PPP3R1: variants seen among roughly 807,000 people sequenced by gnomAD.
PPP3R1 encodes the protein calcineurin subunit B type 1.
Under a neutral mutation model 22.6 loss-of-function variants are expected in PPP3R1, and 5 were observed. The ratio of observed to expected loss-of-function variants is 0.22; its 90% CI spans 0.12 to 0.46. The LOEUF is 0.46. Among genes scored for constraint, PPP3R1 ranks in the 20% least tolerant of loss-of-function variants. The pLI is 0.99. For synonymous variants in PPP3R1, 56 were observed against 65.2 expected (o/e 0.86, Z 0.68); for missense variants, 61 against 203.2 (o/e 0.30, Z 4.25).
chr2:68,249,203 G>C (rs2103819531), intron 1 of PPP3R1, among the ~76,000 whole-genome samples: 2 of 152,156 alleles, frequency 1.3e-5, no homozygotes, highest in South Asian at 4.2e-4. Context: ...TTTATACCTT[G>C]AACCATTTTA....
chr2:68,213,681 T>A (rs1028777184), intron 2 of PPP3R1, among the ~76,000 whole-genome samples: 1 of 152,142 alleles, frequency 6.6e-6, no homozygotes, highest in African/African-American at 2.4e-5. Flanking sequence ...AACCTTCAAT[T>A]TGTAAGAAAC....
At chr2:68,222,214 G>C (rs554454388) in intron 1 of PPP3R1, among the ~76,000 whole-genome samples, 1 of 152,238 alleles carries the variant, frequency 6.6e-6, no homozygotes, top group Admixed American at 6.5e-5. Flanking sequence ...GCTGTTGTCA[G>C]GATCTTACAC....
At chr2:68,213,480 T>A (rs112829092) in intron 2 of PPP3R1, among the ~76,000 whole-genome samples, 1 of 152,166 alleles carries the variant, frequency 6.6e-6, no homozygotes, top group African/African-American at 2.4e-5. Context: ...CCATCTTACA[T>A]GGACACCGTT....
At chr2:68,181,544 T>G (rs763959378) in intron 5 of PPP3R1, among the ~76,000 whole-genome samples, 6 of 151,976 alleles carry the variant, frequency 3.9e-5, no homozygotes, top group Non-Finnish European at 7.4e-5. Context: ...TTGGGTGTTC[T>G]TGTACAAGGG....
intron 2 of PPP3R1, among the ~76,000 whole-genome samples, chr2:68,212,873 A>G (rs1301157114): frequency 2.0e-5 from 3 of 152,230 alleles, no homozygotes; most frequent in Middle Eastern, 3.2e-3. Context: ...CTTCTGGATA[A>G]CTTGTTGCAG....
chr2:68,194,249 A>ATTGT (rs1298572792), intron 2 of PPP3R1, among the ~76,000 whole-genome samples: 1 of 152,152 alleles, frequency 6.6e-6, no homozygotes, highest in African/African-American at 2.4e-5. Flanking sequence ...GAATTGGTAG[A>ATTGT]TTGTTTATAC....
At chr2:68,208,782 G>C (rs1181795729) in intron 2 of PPP3R1, among the ~76,000 whole-genome samples, 2 of 151,954 alleles carry the variant, frequency 1.3e-5, no homozygotes, top group African/African-American at 4.8e-5. Context: ...AATTAGCCAG[G>C]TGTGGTGGCG....
At chr2:68,206,898 T>G (rs1298540464) in intron 2 of PPP3R1, among the ~76,000 whole-genome samples, 1 of 152,134 alleles carries the variant, frequency 6.6e-6, no homozygotes, top group Non-Finnish European at 1.5e-5. Flanking sequence ...GAGAGGACAC[T>G]GTGGCTGGGG....
intron 2 of PPP3R1, among the ~76,000 whole-genome samples, chr2:68,199,685 A>G (rs1007797897): frequency 3.7e-4 from 56 of 152,196 alleles, no homozygotes; most frequent in Non-Finnish European, 5.9e-4. Flanking sequence ...ACATTTTGCC[A>G]AACACTTTGC....
intron 2 of PPP3R1, among the ~76,000 whole-genome samples, chr2:68,200,872 G>C (rs908615307): frequency 2.6e-5 from 4 of 152,110 alleles, no homozygotes; most frequent in Non-Finnish European, 4.4e-5. Context: ...CTGAAGGCCT[G>C]TGTATTATTG....
At chr2:68,209,358 CAAAAAAAAAA>C (rs777851469) in intron 2 of PPP3R1, among the ~76,000 whole-genome samples, 15 of 41,688 alleles carry the variant, frequency 3.6e-4, no homozygotes, top group Non-Finnish European at 5.6e-4. Context: ...GACTCTGTCT[CAAAAAAAAAA>C]AAAAAAAAAA....
intron 2 of PPP3R1, among the ~76,000 whole-genome samples, chr2:68,189,825 C>T (rs1303604635): frequency 2.0e-5 from 3 of 152,042 alleles, no homozygotes; most frequent in East Asian, 3.9e-4. Flanking sequence ...GCTGAGATCA[C>T]GCCACTGCTT....
intron 2 of PPP3R1, among the ~76,000 whole-genome samples, chr2:68,189,179 G>A (rs945287900): frequency 2.0e-5 from 3 of 151,538 alleles, no homozygotes; most frequent in Admixed American, 1.3e-4. Context: ...AAATTCAAAG[G>A]GTATTCAAAA....
In PPP3R1 at chr2:68,232,731, C is replaced by T. The variant is rs528504847; in HGVS notation, c.4-15600G>A. On this transcript the variant is annotated intron_variant, in intron 1 of 5. Coordinates refer to ENST00000234310, the MANE Select transcript of PPP3R1 (RefSeq NM_000945.4). ...AAGCAATTCTCCTGCCTCAGCCTCT[C>T]GAGTAGCTGGGATTACAGGCATGCA... Among the ~76,000 whole-genome samples, 5 of 151,914 alleles carry T rather than the reference C, an allele frequency of 3.3e-5. No homozygotes were observed. The East Asian group carries it at 5.8e-4, about 18-fold the overall frequency.
At chr2:68,187,801 T>C (rs968046195) in intron 3 of PPP3R1, among the ~76,000 whole-genome samples, 23 of 152,288 alleles carry the variant, frequency 1.5e-4, no homozygotes, top group East Asian at 1.4e-3. Context: ...CCTCCACTTA[T>C]AATTGTCCAA....
At chr2:68,251,917 G>A (rs1670369546) in intron 1 of PPP3R1, among the ~76,000 whole-genome samples, 1 of 146,900 alleles carries the variant, frequency 6.8e-6, no homozygotes, top group Non-Finnish European at 1.5e-5. Flanking sequence ...GCCGGGGGCG[G>A]GCGCGGGGGC....
At chr2:68,246,316 G>A (rs1334205863) in intron 1 of PPP3R1, among the ~76,000 whole-genome samples, 1 of 151,512 alleles carries the variant, frequency 6.6e-6, no homozygotes, top group Non-Finnish European at 1.5e-5. Flanking sequence ...CTCATGATCC[G>A]CCCGCCTCAG....
intron 1 of PPP3R1, among the ~76,000 whole-genome samples, chr2:68,235,426 T>A (rs1670000188): frequency 6.6e-6 from 1 of 152,168 alleles, no homozygotes; most frequent in African/African-American, 2.4e-5. Context: ...TCTACATATT[T>A]GCCTATTCTG....
chr2:68,197,592 T>C (rs1463393162), intron 2 of PPP3R1, among the ~76,000 whole-genome samples: 7 of 152,186 alleles, frequency 4.6e-5, no homozygotes, highest in Non-Finnish European at 1.0e-4. Context: ...TATATGATTA[T>C]TTCAGTAGCT....
Sources: gnomAD v4.1 joint callset for allele counts (sites outside exome capture counted in the v4.1 genomes callset) on GRCh38, gnomAD v4.1.1 for gene constraint, MANE v1.5 for transcripts, NCBI Gene and HGNC (gene_info 2026-07-23, HGNC 2026-07-21) for gene names.